The following PKHD1 variants were observed in gnomAD, a reference collection of about 807,000 sequenced individuals.
PKHD1 encodes the protein PKHD1 ciliary IPT domain containing fibrocystin/polyductin, also known as fibrocystin.
In PKHD1, 291 loss-of-function variants were observed where a neutral mutation model predicts 412.0. The ratio of observed to expected loss-of-function variants is 0.71; its 90% confidence interval spans 0.64 to 0.78. PKHD1 has a LOEUF of 0.78. PKHD1 is among the 30% of genes least tolerant of loss of function. The pLI, the probability that PKHD1 is intolerant of heterozygous loss-of-function variation, is 0.00. For missense variants in PKHD1, 4,825 were observed against 4,950.7 expected (o/e 0.97, Z 0.76); for synonymous variants, 1,777 against 1,821.5 (o/e 0.98, Z 0.62).
Position 52,017,615 on chromosome 6 carries a change from G to A in PKHD1, c.5395C>T (p.Leu1799=). 1.9e-6 allele frequency: 3 copies of A among 1,613,222 alleles called. No individual in the cohort carries two copies. Among genetic ancestry groups the A allele is most frequent in the East Asian group, 4.5e-5 (2 of 44,888 alleles). The change falls in exon 34 of 67, where the codon CTG becomes TTG. Residue 1799 remains leucine (L), a synonymous_variant. Coordinates refer to ENST00000371117, the MANE Select transcript of PKHD1 (RefSeq NM_138694.4). The part of the protein sequence containing the change: ...VLPLDVSLAF[L]CGLKREEDSC... ...TCCTCCTCACGCTTCAGGCCACACA[G>A]GAAGGCCAAGGACACTGCAGGAAAC... is the stretch of plus-strand genomic sequence containing the variant.
intron 36 of PKHD1, among the ~76,000 whole-genome samples, chr6:51,949,828 AG>A (rs1377406352): frequency 1.3e-5 from 2 of 152,144 alleles, no homozygotes; most frequent in Non-Finnish European, 2.9e-5. Context: ...AATCAAGCAC[AG>A]AATACCTAAA....
intron 3 of PKHD1, among the ~76,000 whole-genome samples, chr6:52,082,962 G>A (rs1812258545): frequency 6.6e-6 from 1 of 152,156 alleles, no homozygotes; most frequent in Non-Finnish European, 1.5e-5. Context: ...CCTGGAATGG[G>A]AAAGTGGACA....
intron 47 of PKHD1, among the ~76,000 whole-genome samples, chr6:51,870,019 A>G (rs374675770): frequency 1.3e-5 from 2 of 152,126 alleles, no homozygotes; most frequent in Non-Finnish European, 2.9e-5. Context: ...AAGAACTCCT[A>G]TGTTTCCCTT....
chr6:52,062,625 C>G lies in PKHD1; in HGVS notation c.1012G>C (p.Val338Leu). ...RGLLFEVGDAVEGLELTEATP... is the reference protein window; with the variant it reads ...RGLLFEVGDALEGLELTEATP... ...GCTTCAGTCAGTTCCAGTCCCTCAA[C>G]AGCATCTCCAACTTCAAAAAGAAGC... The change falls in exon 14 of 67, where the codon GTT becomes CTT. Residue 338 changes from valine (V) to leucine (L), a missense_variant. Physicochemically the swap from Val to Leu is conservative, Grantham distance 32. Coordinates refer to ENST00000371117, the MANE Select transcript of PKHD1 (RefSeq NM_138694.4). 6.2e-7 allele frequency: 1 copy of G among 1,614,152 alleles called. No individual in the cohort carries two copies.
chr6:51,771,023 G>C (rs879652205), intron 55 of PKHD1, among the ~76,000 whole-genome samples: 26 of 152,068 alleles, frequency 1.7e-4, no homozygotes, highest in Middle Eastern at 3.4e-3. Context: ...GCCTTAAGAC[G>C]GCAAACCAGT....
At chr6:51,764,848 C>A (rs146639590) in intron 55 of PKHD1, among the ~76,000 whole-genome samples, 1 of 152,020 alleles carries the variant, frequency 6.6e-6, no homozygotes, top group Non-Finnish European at 1.5e-5. Context: ...ATCACGTCTC[C>A]ACCCTCTGCT....
intron 64 of PKHD1, among the ~76,000 whole-genome samples, chr6:51,636,685 G>A (rs979476309): frequency 6.6e-6 from 1 of 152,078 alleles, no homozygotes; most frequent in Non-Finnish European, 1.5e-5. Context: ...ATTGTTTGGC[G>A]AAAATGTGTG....
At chr6:51,922,754 G>A (rs1221671414) in intron 37 of PKHD1, among the ~76,000 whole-genome samples, 15 of 152,188 alleles carry the variant, frequency 9.9e-5, no homozygotes, top group African/African-American at 3.1e-4. Flanking sequence ...AGCCAGGCAC[G>A]GGATATAATC....
intron 64 of PKHD1, among the ~76,000 whole-genome samples, chr6:51,633,107 A>G (rs1581757021): frequency 6.6e-6 from 1 of 152,298 alleles, no homozygotes; most frequent in South Asian, 2.1e-4. Flanking sequence ...TGATGTATGT[A>G]TCTACTCAAT....
chr6:51,702,542 T>C (rs774101990), intron 60 of PKHD1, among the ~76,000 whole-genome samples: 89 of 152,038 alleles, frequency 5.9e-4, no homozygotes, highest in Non-Finnish European at 1.1e-3. Context: ...GACTTACTCA[T>C]GTAACCAAAT....
Position 52,054,172 on chromosome 6 carries a change from A to G in PKHD1, c.1837-7T>C, listed in dbSNP as rs1581982237. 1.2e-6 allele frequency: 2 copies of G among 1,613,660 alleles called. No homozygotes were observed. The highest frequency in any genetic ancestry group is 1.7e-6 in the Non-Finnish European group (2 of 1,179,572). On this transcript the variant is annotated splice_polypyrimidine_tract_variant and splice_region_variant and intron_variant, in intron 19 of 66. Transcript: ENST00000371117. The stretch of plus-strand genomic sequence containing the variant: ...CTTTGTATGCAAGACACAGCTATGG[A>G]CACCAAATAAGTCCTTCAGTTCTAT...
intron 43 of PKHD1, among the ~76,000 whole-genome samples, chr6:51,896,951 G>GA (rs1780157233): frequency 6.6e-6 from 1 of 151,996 alleles, no homozygotes; most frequent in African/African-American, 2.4e-5. Flanking sequence ...AGCGAGAAGG[G>GA]AAGTTTAGAG....
At chr6:52,043,301 T>C (rs1024227961) in intron 26 of PKHD1, among the ~76,000 whole-genome samples, 167 bp from the exon 27 acceptor site, 17 of 152,208 alleles carry the variant, frequency 1.1e-4, no homozygotes, top group Non-Finnish European at 1.8e-4. Context: ...GTATTTGTTA[T>C]TGTAGTACAC....
In PKHD1 at chr6:51,857,088, C is replaced by G. The variant is rs146016511; in HGVS notation, c.7734-1018G>C. ...GAAATTTGTGAATCCAGTTACCCAA[C>G]TTATTCTATACAGCCATCCCAGAAA... On this transcript the variant is annotated intron_variant, in intron 48 of 66. Transcript: ENST00000371117. Among the ~76,000 whole-genome samples, 388 of 152,236 alleles carry G rather than the reference C, an allele frequency of 2.5e-3. 1 individual carries two copies. The highest frequency in any genetic ancestry group is 8.6e-3 in the African/African-American group (357 of 41,532).
chr6:51,685,495 TA>T lies in PKHD1; in HGVS notation c.10157-25527del, dbSNP rs982533708. On this transcript the variant is annotated intron_variant, in intron 60 of 66. Coordinates refer to ENST00000371117, the MANE Select transcript of PKHD1 (RefSeq NM_138694.4). ...TTGTTCTCATATTACAAAACAATGT[TA>T]AAAAAAATTTTTTTAAAGAATTTTT... Among the ~76,000 whole-genome samples, 230 of 152,222 alleles carry T rather than the reference TA, an allele frequency of 1.5e-3. 1 individual carries two copies. The highest frequency in any genetic ancestry group is 4.7e-3 in the African/African-American group (195 of 41,544).
chr6:51,839,849 G>T (rs533194202), intron 50 of PKHD1, among the ~76,000 whole-genome samples: 1 of 151,658 alleles, frequency 6.6e-6, no homozygotes, highest in Non-Finnish European at 1.5e-5. Context: ...CATTTATCTA[G>T]TGTGTCAGCC....
intron 52 of PKHD1, among the ~76,000 whole-genome samples, chr6:51,818,121 A>T (rs1273977876): frequency 6.6e-6 from 1 of 152,212 alleles, no homozygotes; most frequent in African/African-American, 2.4e-5. Context: ...TGCCGATGTT[A>T]CAAATGAAGA....
chr6:51,625,995 G>C (rs961173816), intron 66 of PKHD1, among the ~76,000 whole-genome samples: 1 of 152,100 alleles, frequency 6.6e-6, no homozygotes, highest in Admixed American at 6.6e-5. Flanking sequence ...AGGAACTGGA[G>C]TATGGCTAAC....
At chr6:52,032,626 T>A (rs1438752331) in intron 29 of PKHD1, among the ~76,000 whole-genome samples, 1 of 152,244 alleles carries the variant, frequency 6.6e-6, no homozygotes, top group Non-Finnish European at 1.5e-5. Context: ...AAATCTTAGA[T>A]AAATTACTTA....
Sources: gnomAD v4.1 joint callset for allele counts (sites outside exome capture counted in the v4.1 genomes callset) on GRCh38, gnomAD v4.1.1 for gene constraint, MANE v1.5 for transcripts, NCBI Gene and HGNC (gene_info 2026-07-23, HGNC 2026-07-21) for gene names.